Variants in PIR observed in about 807,000 individuals in gnomAD.
The protein encoded by PIR is pirin (iron-binding nuclear protein).
In PIR, 22 loss-of-function variants were observed where a neutral mutation model predicts 24.2. That is an observed-to-expected ratio of 0.91 (90% confidence interval 0.65 to 1.30). PIR has a LOEUF of 1.30. Ranked by LOEUF, PIR falls within the 50% of genes most tolerant of loss-of-function variation. The probability of loss-of-function intolerance (pLI) is 0.00; values close to 1 mark genes in which losing one functional copy is unlikely to be tolerated. For missense variants in PIR, 220 were observed against 220.3 expected (o/e 1.00, Z 0.01); for synonymous variants, 80 against 79.6 (o/e 1.00, Z -0.03).
At chrX:15,393,026 A>C (rs150263803) in intron 8 of PIR, among the ~76,000 whole-genome samples, 62 of 112,209 alleles carry the variant, frequency 5.5e-4, no homozygotes, top group African/African-American at 2.0e-3. Context: ...AAGAGAATTA[A>C]ATACCCATTT....
intron 6 of PIR, among the ~76,000 whole-genome samples, chrX:15,411,584 A>G (rs1924742260): frequency 9.0e-6 from 1 of 111,286 alleles, no homozygotes; most frequent in Non-Finnish European, 1.9e-5. Flanking sequence ...GGCTAAGGAG[A>G]GATTGCAACC....
At chrX:15,389,153 T>C (rs1393375290) in intron 9 of PIR, among the ~76,000 whole-genome samples, 1 of 112,118 alleles carries the variant, frequency 8.9e-6, no homozygotes, top group African/African-American at 3.2e-5. Context: ...AAATGTTAGT[T>C]ACTAGGAATA....
rs370442774 is a variant in PIR, at chrX:15,422,950, T to C, written c.565+2956A>G. Among the ~76,000 whole-genome samples the C allele has an allele frequency of 5.4e-5, 6 of 111,808 alleles. No individual in the cohort carries two copies. The East Asian group carries it at 1.7e-3, about 31-fold the overall frequency. On this transcript the variant is annotated intron_variant, in intron 6 of 9. Transcript: ENST00000380420. ...CAGAGCTATAGTAATCAAATCAGCA[T>C]GGTATTGGCATAAAAACAGACACAT... is the stretch of plus-strand genomic sequence containing the variant.
At chrX:15,469,159 T>C (rs1460323215) in intron 3 of PIR, among the ~76,000 whole-genome samples, 16 of 111,446 alleles carry the variant, frequency 1.4e-4, no homozygotes, top group African/African-American at 4.9e-4. Context: ...TAAATTCAGA[T>C]TGTGAAAGGT....
intron 2 of PIR, among the ~76,000 whole-genome samples, chrX:15,483,563 C>T (rs1010919343): frequency 9.0e-6 from 1 of 111,572 alleles, no homozygotes; most frequent in Non-Finnish European, 1.9e-5. Context: ...AAGTCTCTGC[C>T]CTTTCCAGTG....
At chrX:15,483,902 A>G (rs898373179) in intron 2 of PIR, among the ~76,000 whole-genome samples, 7 of 112,613 alleles carry the variant, frequency 6.2e-5, no homozygotes, top group African/African-American at 2.3e-4. Context: ...AAGCTCTAAG[A>G]TAACTTTTAA....
chrX:15,407,386 G>C lies in PIR; in HGVS notation c.610+120C>G, dbSNP rs780233064. On this transcript the variant is annotated intron_variant, in intron 7 of 9. Transcript: ENST00000380420. ...CTGTGCTGGGATATAGAGAGGGCTA[G>C]TGTAGGAGAGAAGGTGGCATAGTAT... 7.1e-6 allele frequency: 4 copies of C among 561,853 alleles called. 1 individual carries two copies. The East Asian group carries it at 1.3e-4, about 19-fold the overall frequency. The allele number at this position is 561,853 out of a possible 1,213,427, so 46.3% of individuals were successfully genotyped here. A position where few individuals can be genotyped will look rare whatever the true frequency, so the allele number is the denominator to read the frequency against.
chrX:15,457,427 G>A (rs986488125), intron 4 of PIR, among the ~76,000 whole-genome samples: 1 of 112,103 alleles, frequency 8.9e-6, no homozygotes, highest in African/African-American at 3.2e-5. Context: ...CCCTCATCAG[G>A]AGAAAAATCC....
chrX:15,454,759 A>G (rs991525787), intron 5 of PIR, among the ~76,000 whole-genome samples: 7 of 111,924 alleles, frequency 6.3e-5, no homozygotes, highest in Non-Finnish European at 1.3e-4. Flanking sequence ...ACTCAATGCC[A>G]GGTTCCATGT....
intron 8 of PIR, among the ~76,000 whole-genome samples, chrX:15,392,409 T>C (rs1935351417): frequency 8.9e-6 from 1 of 112,052 alleles, no homozygotes; most frequent in African/African-American, 3.2e-5. Context: ...TTTCTAAATA[T>C]GTAAGTCAAT....
intron 3 of PIR, among the ~76,000 whole-genome samples, chrX:15,477,137 G>A (rs1017545763): frequency 1.8e-5 from 2 of 111,426 alleles, no homozygotes; most frequent in Admixed American, 1.9e-4. Flanking sequence ...AAATGTACAA[G>A]CCTGTATAAT....
chrX:15,470,746 C>T (rs2147072114), intron 3 of PIR, among the ~76,000 whole-genome samples: 1 of 109,515 alleles, frequency 9.1e-6, no homozygotes, highest in East Asian at 2.9e-4. Context: ...GGATTACAGG[C>T]GCCCACCACC....
At chrX:15,475,881 C>A (rs1478720987) in intron 3 of PIR, among the ~76,000 whole-genome samples, 1 of 112,279 alleles carries the variant, frequency 8.9e-6, no homozygotes, top group Non-Finnish European at 1.9e-5. Context: ...ACCAGCTGTG[C>A]CTCTTCCCTA....
chrX:15,389,524 G>A (rs1333301447), intron 9 of PIR, among the ~76,000 whole-genome samples: 1 of 111,503 alleles, frequency 9.0e-6, no homozygotes, highest in Non-Finnish European at 1.9e-5. Context: ...GTGGACATAT[G>A]TTTTGTAAGC....
chrX:15,473,797 C>T (rs902315878), intron 3 of PIR, among the ~76,000 whole-genome samples: 3 of 112,229 alleles, frequency 2.7e-5, no homozygotes, highest in Non-Finnish European at 5.6e-5. Context: ...CCTCATGATC[C>T]GCCCGCCTCG....
At chrX:15,409,854 T>G (rs1924679951) in intron 6 of PIR, among the ~76,000 whole-genome samples, 1 of 112,106 alleles carries the variant, frequency 8.9e-6, no homozygotes, top group African/African-American at 3.2e-5. Context: ...AAAATCTTTC[T>G]GCAATCTTCA....
chrX:15,472,472 C>T (rs753433412), intron 3 of PIR, among the ~76,000 whole-genome samples: 2 of 111,890 alleles, frequency 1.8e-5, no homozygotes, highest in Non-Finnish European at 3.8e-5. Flanking sequence ...AATATCCATA[C>T]GATACAATAG....
intron 5 of PIR, among the ~76,000 whole-genome samples, chrX:15,454,896 C>T (rs1921023634): frequency 8.9e-6 from 1 of 112,087 alleles, no homozygotes; most frequent in Non-Finnish European, 1.9e-5. Context: ...AAGCCCGGCT[C>T]CCTTGCCAGG....
At chrX:15,469,464 C>T (rs1306113683) in intron 3 of PIR, among the ~76,000 whole-genome samples, 2 of 111,446 alleles carry the variant, frequency 1.8e-5, no homozygotes. Flanking sequence ...ACCACTCTAG[C>T]AGAAGATAAA....
Sources: allele counts gnomAD v4.1 joint callset (sites outside exome capture counted in the v4.1 genomes callset), GRCh38; gene constraint gnomAD v4.1.1; transcripts MANE v1.5; gene names NCBI Gene and HGNC (gene_info 2026-07-23, HGNC 2026-07-21).